OLA1: variants seen among roughly 807,000 people sequenced by gnomAD.
The protein encoded by OLA1 is obg-like ATPase 1.
OLA1 carries 14 observed loss-of-function variants against 48.4 expected under a neutral mutation model. The observed-to-expected ratio is 0.29, with a 90% CI of 0.19 to 0.45. The LOEUF is 0.45. Ranked by LOEUF, OLA1 falls within the 20% of genes least tolerant of loss-of-function variation. OLA1 has a pLI of 1.00. For synonymous variants in OLA1, 127 were observed against 150.4 expected, an observed-to-expected ratio of 0.84 and a Z score of 1.14; for missense variants, 325 against 467.1, an observed-to-expected ratio of 0.70 and a Z score of 2.80.
intron 4 of OLA1, among the ~76,000 whole-genome samples, chr2:174,211,532 T>C (rs1273368420): frequency 1.3e-5 from 2 of 152,216 alleles, no homozygotes; most frequent in Non-Finnish European, 2.9e-5. Context: ...CATTTGTACA[T>C]ATCATATCCA....
rs974744961 is a variant in OLA1, at chr2:174,239,096, C to T, written c.101+7619G>A. Among the ~76,000 whole-genome samples, 4 of 152,076 alleles carry T rather than the reference C, an allele frequency of 2.6e-5. No homozygotes were observed. In the East Asian group the frequency reaches 5.8e-4, roughly 22 times the overall value. The stretch of plus-strand genomic sequence containing the variant: ...CACAATAGAAGTTCCATTGTTCCTT[C>T]TACAAATTGTTTCTTCTAAATGTAG... On this transcript the variant is annotated intron_variant, in intron 2 of 10. Transcript: ENST00000284719.
At chr2:174,213,349 A>T (rs1688286859) in intron 4 of OLA1, among the ~76,000 whole-genome samples, 1 of 152,192 alleles carries the variant, frequency 6.6e-6, no homozygotes. Flanking sequence ...ATAGCCTGAC[A>T]GTAGGTATAG....
chr2:174,242,816 A>T (rs919587184), intron 2 of OLA1, among the ~76,000 whole-genome samples: 1 of 152,160 alleles, frequency 6.6e-6, no homozygotes, highest in African/African-American at 2.4e-5. Context: ...ACAATAATAC[A>T]CTGCTCCAAC....
intron 4 of OLA1, among the ~76,000 whole-genome samples, chr2:174,142,572 G>A (rs1423131853): frequency 6.6e-6 from 1 of 152,194 alleles, no homozygotes; most frequent in East Asian, 1.9e-4. Context: ...TGTCATATAT[G>A]AGTGACAACC....
intron 9 of OLA1, chr2:174,080,876 C>T (rs1684838467): frequency 3.2e-6 from 1 of 316,936 alleles, no homozygotes; most frequent in Non-Finnish European, 5.9e-6. Context: ...AATACTGGTG[C>T]GTCTTATCTC....
At chr2:174,106,358 C>T (rs1330489532) in intron 7 of OLA1, among the ~76,000 whole-genome samples, 1 of 151,936 alleles carries the variant, frequency 6.6e-6, no homozygotes, top group East Asian at 1.9e-4. Flanking sequence ...AAATAATAGT[C>T]AAACCAACAA....
At chr2:174,125,897 T>C (rs897319003) in intron 5 of OLA1, among the ~76,000 whole-genome samples, 1 of 152,194 alleles carries the variant, frequency 6.6e-6, no homozygotes, top group Non-Finnish European at 1.5e-5. Flanking sequence ...ATTTATATAT[T>C]ATAACCTAGT....
rs375221409 is a variant in OLA1 at position 174,075,255 on chromosome 2, G to GC, written c.*170_*171insG. On this transcript the variant is annotated 3_prime_UTR_variant, in exon 11 of 11. Coordinates refer to ENST00000284719, the MANE Select transcript of OLA1 (RefSeq NM_013341.5). ...ACATTTAGTGAACCTGCATTTCATG[G>GC]GGGGGGGGGGGTACACAGTATTTTA... The GC allele has an allele frequency of 3.4e-5, 13 of 377,070 alleles. No individual in the cohort carries two copies. Among genetic ancestry groups the GC allele is most frequent in the African/African-American group, 8.1e-5 (3 of 37,040 alleles). The allele number at this position is 377,070 out of a possible 1,614,324, so 23.4% of individuals were successfully genotyped here. A position where few individuals can be genotyped will look rare whatever the true frequency, so the allele number is the denominator to read the frequency against.
intron 7 of OLA1, among the ~76,000 whole-genome samples, chr2:174,120,241 T>C (rs1326575091): frequency 6.6e-6 from 1 of 152,126 alleles, no homozygotes; most frequent in Non-Finnish European, 1.5e-5. Flanking sequence ...AGCAGTAGTT[T>C]GACAGTTCTA....
chr2:174,127,451 G>C (rs1686070156), intron 5 of OLA1, among the ~76,000 whole-genome samples: 1 of 152,088 alleles, frequency 6.6e-6, no homozygotes, highest in Non-Finnish European at 1.5e-5. Flanking sequence ...TTTCTTTGCA[G>C]ACAATTATAT....
intron 7 of OLA1, 141 bp downstream of exon 7, chr2:174,123,039 G>A (rs769726354): frequency 1.8e-6 from 1 of 549,062 alleles, no homozygotes; most frequent in Non-Finnish European, 3.2e-6. Flanking sequence ...ACCAAGCACA[G>A]CTTTCTCATC....
At chr2:174,123,709 G>C in intron 5 of OLA1, 34 bp from the exon 6 acceptor site, 1 of 1,138,080 alleles carries the variant, frequency 8.8e-7, no homozygotes, top group Non-Finnish European at 1.2e-6. Context: ...AAATATATAT[G>C]AATAACTAAA....
chr2:174,229,719 T>G (rs1216029116), intron 2 of OLA1, among the ~76,000 whole-genome samples: 1 of 152,234 alleles, frequency 6.6e-6, no homozygotes, highest in East Asian at 1.9e-4. Flanking sequence ...ATCTTTGTTA[T>G]AAGTTAGAGT....
intron 4 of OLA1, among the ~76,000 whole-genome samples, chr2:174,146,614 A>G (rs1686606711): frequency 6.6e-6 from 1 of 152,204 alleles, no homozygotes; most frequent in Non-Finnish European, 1.5e-5. Context: ...CTGAGGGAGG[A>G]GAAGAACTTG....
At chr2:174,152,263 G>A (rs566121195) in intron 4 of OLA1, among the ~76,000 whole-genome samples, 32 of 152,062 alleles carry the variant, frequency 2.1e-4, no homozygotes, top group East Asian at 9.7e-4. Flanking sequence ...AAAATTAGCC[G>A]GGCATGGTGG....
chr2:174,151,396 A>T (rs1370421346), intron 4 of OLA1, among the ~76,000 whole-genome samples: 1 of 152,224 alleles, frequency 6.6e-6, no homozygotes, highest in Non-Finnish European at 1.5e-5. Context: ...ATCAAATCAC[A>T]GCACCAAAAC....
At chr2:174,202,343 C>A (rs536053280) in intron 4 of OLA1, among the ~76,000 whole-genome samples, 33 of 152,284 alleles carry the variant, frequency 2.2e-4, no homozygotes, top group African/African-American at 7.9e-4. Context: ...TCACCGCCAC[C>A]TCCTGTTGCT....
chr2:174,194,045 T>G (rs1051097476), intron 4 of OLA1, among the ~76,000 whole-genome samples: 4 of 152,198 alleles, frequency 2.6e-5, no homozygotes, highest in Admixed American at 6.5e-5. Context: ...ATTTCAGAAT[T>G]TCATCAAGGC....
At chr2:174,108,684 A>G (rs1249001937) in intron 7 of OLA1, among the ~76,000 whole-genome samples, 2 of 152,286 alleles carry the variant, frequency 1.3e-5, no homozygotes, top group Non-Finnish European at 2.9e-5. Context: ...GTCTTGGATG[A>G]CAGCTTAATG....
Sources: allele counts gnomAD v4.1 joint callset (sites outside exome capture counted in the v4.1 genomes callset), GRCh38; gene constraint gnomAD v4.1.1; transcripts MANE v1.5; gene names NCBI Gene and HGNC (gene_info 2026-07-23, HGNC 2026-07-21).